EPHA3: variants seen among roughly 807,000 people sequenced by gnomAD.
EPHA3 encodes the protein EPH receptor A3.
A neutral mutation model predicts 107.1 loss-of-function variants in EPHA3; 42 were observed. That is an observed-to-expected ratio of 0.39 (90% CI 0.31 to 0.51). The LOEUF (loss-of-function observed/expected upper bound fraction) is 0.51, where lower values mean the gene tolerates loss of function less well. Ranked by LOEUF, EPHA3 falls within the 20% of genes least tolerant of loss-of-function variation. The pLI, the probability that EPHA3 is intolerant of heterozygous loss-of-function variation, is 0.78. For missense variants in EPHA3, 1,183 were observed against 1,211.2 expected, an observed-to-expected ratio of 0.98 and a Z score of 0.35; for synonymous variants, 461 against 424.8, an observed-to-expected ratio of 1.09 and a Z score of -1.05.
In EPHA3 at chr3:89,431,249, G is replaced by T; in HGVS notation, c.2236G>T (p.Asp746Tyr). ...YLSDMGYVHR[D>Y]LAARNILINS... The stretch of plus-strand genomic sequence containing the variant: ...GTCAGACATGGGCTATGTTCACCGA[G>T]ACCTCGCTGCTCGGAACATCTTGAT... Residue 746 changes from aspartate to tyrosine, a missense_variant, in exon 13 of 17, where the codon GAC becomes TAC. Asp to Tyr is a radical substitution (Grantham distance 160, BLOSUM62 -3). Transcript: ENST00000336596. 1 of 1,613,856 alleles carries T rather than the reference G, an allele frequency of 6.2e-7. No individual in the cohort carries two copies. The highest frequency in any genetic ancestry group is 8.5e-7 in the Non-Finnish European group (1 of 1,179,942).
intron 3 of EPHA3, among the ~76,000 whole-genome samples, chr3:89,268,129 T>C (rs544922151): frequency 3.9e-5 from 6 of 152,266 alleles, no homozygotes; most frequent in African/African-American, 1.4e-4. Context: ...TAGGTTGATG[T>C]AACTCAATCC....
At chr3:89,290,251 G>A (rs1417051816) in intron 3 of EPHA3, among the ~76,000 whole-genome samples, 1 of 152,006 alleles carries the variant, frequency 6.6e-6, no homozygotes, top group African/African-American at 2.4e-5. Context: ...TCAAAGTAAT[G>A]GATGTTTAAT....
At chr3:89,317,238 C>A (rs1241021289) in intron 3 of EPHA3, among the ~76,000 whole-genome samples, 8 of 151,686 alleles carry the variant, frequency 5.3e-5, no homozygotes, top group Non-Finnish European at 1.2e-4. Context: ...TTTGTCATTT[C>A]TTTTATTGTT....
chr3:89,252,375 C>G (rs1016579547), intron 3 of EPHA3, among the ~76,000 whole-genome samples: 11 of 152,002 alleles, frequency 7.2e-5, no homozygotes, highest in South Asian at 2.1e-4. Context: ...AAGTGGAGTA[C>G]GGACGTAAAA....
chr3:89,278,051 T>C (rs1352643907), intron 3 of EPHA3, among the ~76,000 whole-genome samples: 1 of 152,194 alleles, frequency 6.6e-6, no homozygotes, highest in Admixed American at 6.5e-5. Flanking sequence ...TATGATGGGT[T>C]TATACTTTCT....
At chr3:89,445,217 G>A (rs1263735721) in intron 13 of EPHA3, among the ~76,000 whole-genome samples, 3 of 152,100 alleles carry the variant, frequency 2.0e-5, no homozygotes, top group Admixed American at 1.3e-4. Context: ...AGTGAGCCGA[G>A]AACGCACTGC....
At chr3:89,294,975 TC>T (rs1706311111) in intron 3 of EPHA3, among the ~76,000 whole-genome samples, 1 of 152,216 alleles carries the variant, frequency 6.6e-6, no homozygotes, top group Non-Finnish European at 1.5e-5. Flanking sequence ...AACAGTTTGA[TC>T]CTTGTGAGTT....
At chr3:89,166,908 T>G (rs754628207) in intron 2 of EPHA3, among the ~76,000 whole-genome samples, 2 of 152,112 alleles carry the variant, frequency 1.3e-5, no homozygotes, top group Non-Finnish European at 2.9e-5. Flanking sequence ...ATGTATTATT[T>G]AAGAAGGGGT....
Position 89,466,832 on chromosome 3 carries a change from A to G in EPHA3, c.2691-5632A>G, listed in dbSNP as rs1400702343. 3.1e-5 allele frequency among the ~76,000 whole-genome samples: 3 copies of G among 96,180 alleles called. 1 individual carries two copies. The allele number at this position is 96,180 out of a possible 152,430, so 63.1% of individuals were successfully genotyped here. A position where few individuals can be genotyped will look rare whatever the true frequency, so the allele number is the denominator to read the frequency against. ...GGAGCTGTAGACCGGAGCTGTTCCT[A>G]TTCGGCCATCTTGGCTCCTCCCTCC... On this transcript the variant is annotated intron_variant, in intron 15 of 16. Coordinates refer to ENST00000336596, the MANE Select transcript of EPHA3 (RefSeq NM_005233.6).
intron 5 of EPHA3, among the ~76,000 whole-genome samples, chr3:89,386,746 A>C (rs951897409): frequency 4.6e-5 from 7 of 152,220 alleles, no homozygotes; most frequent in African/African-American, 1.2e-4. Flanking sequence ...ACACCAGCCC[A>C]TGAAAGTAAA....
At chr3:89,478,558 G>A (rs73139133) in intron 16 of EPHA3, among the ~76,000 whole-genome samples, 27,896 of 151,998 alleles carry the variant, frequency 0.18, 3,371 homozygotes, top group Non-Finnish European at 0.25. Flanking sequence ...TGTAGGCCAA[G>A]GTGCTTACAT....
chr3:89,352,624 C>A (rs1298444582), intron 5 of EPHA3, among the ~76,000 whole-genome samples: 4 of 150,942 alleles, frequency 2.7e-5, no homozygotes, highest in African/African-American at 9.7e-5. Context: ...CCACACTAGG[C>A]TAGGTGTGGT....
intron 1 of EPHA3, among the ~76,000 whole-genome samples, chr3:89,123,335 T>A (rs1189243970): frequency 6.6e-6 from 1 of 151,816 alleles, no homozygotes; most frequent in East Asian, 1.9e-4. Flanking sequence ...TAGAGATGAG[T>A]TTTCGCCATG....
chr3:89,360,539 G>A (rs915932681), intron 5 of EPHA3, among the ~76,000 whole-genome samples: 5 of 150,838 alleles, frequency 3.3e-5, no homozygotes, highest in African/African-American at 1.2e-4. Context: ...CTCTCAAACT[G>A]TATATCTACA....
At chr3:89,243,216 T>C (rs1038708735) in intron 3 of EPHA3, among the ~76,000 whole-genome samples, 5 of 152,106 alleles carry the variant, frequency 3.3e-5, no homozygotes, top group Admixed American at 6.5e-5. Context: ...GATAAACATA[T>C]GTGTGCATGT....
At chr3:89,127,340 T>G in intron 2 of EPHA3, 67 bp downstream of exon 2, 1 of 1,240,530 alleles carries the variant, frequency 8.1e-7, no homozygotes, top group Admixed American at 1.8e-5. Flanking sequence ...CAGATGAATT[T>G]ATTGTATTCT....
chr3:89,134,004 A>G (rs906049685), intron 2 of EPHA3, among the ~76,000 whole-genome samples: 3 of 151,122 alleles, frequency 2.0e-5, no homozygotes, highest in South Asian at 2.1e-4. Context: ...TAGAATCAGA[A>G]AATGACACTT....
chr3:89,351,461 C>T lies in EPHA3; in HGVS notation c.1306+9371C>T, dbSNP rs1205526965. On this transcript the variant is annotated intron_variant, in intron 5 of 16. Coordinates refer to ENST00000336596, the MANE Select transcript of EPHA3 (RefSeq NM_005233.6). ...GCGCTTCCCAGGTGAGGCAATGCCT[C>T]GCCCTGCTTCGGCTCGCGCACGGTG... 2.2e-4 allele frequency among the ~76,000 whole-genome samples: 33 copies of T among 150,402 alleles called. 3 individuals are homozygous for T. Among genetic ancestry groups the T allele is most frequent in the Non-Finnish European group, 4.3e-4 (29 of 67,148 alleles).
rs183847265 is a variant in EPHA3 at position 89,418,782 on chromosome 3, G to A, written c.1889-423G>A. On this transcript the variant is annotated intron_variant, in intron 10 of 16. Transcript: ENST00000336596. ...TGAATATATAGCCATATTGGCCCTC[G>A]GTAAAAACAGAATTGTTAAAATATC... Among the ~76,000 whole-genome samples, 15 of 151,246 alleles carry A rather than the reference G, an allele frequency of 9.9e-5. No homozygotes were observed. The East Asian group carries it at 1.8e-3, about 18-fold the overall frequency.
Sources: allele counts gnomAD v4.1 joint callset (sites outside exome capture counted in the v4.1 genomes callset), GRCh38; gene constraint gnomAD v4.1.1; transcripts MANE v1.5; gene names NCBI Gene and HGNC (gene_info 2026-07-23, HGNC 2026-07-21).